Variants in CEP83 observed in about 807,000 individuals in gnomAD.
The protein encoded by CEP83 is centrosomal protein 83.
CEP83 carries 70 observed loss-of-function variants against 101.9 expected under a neutral mutation model. The ratio of observed to expected loss-of-function variants is 0.69; its 90% CI spans 0.57 to 0.84. CEP83 has a LOEUF of 0.84. Among genes scored for constraint, CEP83 ranks in the 40% least tolerant of loss-of-function variants. The pLI is 0.00. For synonymous variants in CEP83, 264 were observed against 267.9 expected (o/e 0.99, Z 0.14); for missense variants, 715 against 787.2 (o/e 0.91, Z 1.10).
intron 14 of CEP83, among the ~76,000 whole-genome samples, chr12:94,329,585 A>C (rs938065260): frequency 6.6e-6 from 1 of 152,188 alleles, no homozygotes; most frequent in Non-Finnish European, 1.5e-5. Flanking sequence ...AACTAACCTT[A>C]ATAATTAGAA....
At chr12:94,356,752 C>T (rs1450688546) in intron 11 of CEP83, among the ~76,000 whole-genome samples, 4 of 152,182 alleles carry the variant, frequency 2.6e-5, no homozygotes, top group Non-Finnish European at 4.4e-5. Flanking sequence ...CTGACTGGGA[C>T]GCTCTTACTC....
At chr12:94,413,934 C>CA (rs200574629) in intron 2 of CEP83, among the ~76,000 whole-genome samples, 16 of 149,112 alleles carry the variant, frequency 1.1e-4, no homozygotes, top group African/African-American at 3.5e-4. Context: ...CTTCTTATAA[C>CA]AAAAAAAAAT....
At chr12:94,336,784 A>G (rs1326573281) in intron 11 of CEP83, among the ~76,000 whole-genome samples, 12 of 151,224 alleles carry the variant, frequency 7.9e-5, no homozygotes, top group Non-Finnish European at 1.5e-5. Flanking sequence ...CTTTCTGTGC[A>G]CTTCCTCCAT....
At chr12:94,424,247 T>A (rs757015844) in intron 2 of CEP83, 494 of 1,613,912 alleles carry the variant, frequency 3.1e-4, no homozygotes, top group Non-Finnish European at 4.0e-4. Flanking sequence ...CATGTCTCCA[T>A]TCCTTGGCCA....
chr12:94,397,191 A>T (rs1180867657), intron 6 of CEP83, among the ~76,000 whole-genome samples: 1 of 152,172 alleles, frequency 6.6e-6, no homozygotes, highest in African/African-American at 2.4e-5. Flanking sequence ...ACTATCATAA[A>T]ACATCACATA....
intron 11 of CEP83, among the ~76,000 whole-genome samples, chr12:94,358,054 A>G (rs2060566315): frequency 6.6e-6 from 1 of 152,234 alleles, no homozygotes; most frequent in Non-Finnish European, 1.5e-5. Context: ...AGACATTTCA[A>G]TCATTTCTCT....
intron 1 of CEP83, among the ~76,000 whole-genome samples, chr12:94,441,195 C>T (rs367733614): frequency 1.1e-4 from 16 of 152,304 alleles, no homozygotes; most frequent in African/African-American, 3.8e-4. Context: ...AACTAAAAAG[C>T]TTCTGCACAG....
intron 1 of CEP83, among the ~76,000 whole-genome samples, chr12:94,450,597 T>C (rs765413874): frequency 6.6e-6 from 1 of 152,170 alleles, no homozygotes; most frequent in Non-Finnish European, 1.5e-5. Context: ...AATCAAATCA[T>C]GAAAACTCCA....
At chr12:94,299,530 C>T in the CEP83 span, among the ~76,000 whole-genome samples, 1 of 151,994 alleles carries the variant, frequency 6.6e-6, no homozygotes, top group Non-Finnish European at 1.5e-5. Flanking sequence ...CAATTCTCTA[C>T]GCTGGCTTGC....
chr12:94,380,458 T>G (rs1361175139), intron 6 of CEP83, among the ~76,000 whole-genome samples: 1 of 152,180 alleles, frequency 6.6e-6, no homozygotes, highest in Non-Finnish European at 1.5e-5. Flanking sequence ...AATTAGTATT[T>G]CTCTCCTATT....
Position 94,375,994 on chromosome 12 carries a change from T to C in CEP83, c.825A>G (p.Leu275=). 1 of 1,560,492 alleles carries C rather than the reference T, an allele frequency of 6.4e-7. No individual in the cohort carries two copies. Residue 275 remains leucine (L), a synonymous_variant, in exon 8 of 17, where the codon TTA becomes TTG. Transcript: ENST00000397809. ...SLEAEKQSAN[L]RAERLEKELQ... is the part of the protein sequence containing the mutation. ...GCTCTTTTTCCAAACGTTCTGCCCG[T>C]AAATTAGCTGATTGTTTTTCAGCCT...
intron 1 of CEP83, among the ~76,000 whole-genome samples, chr12:94,457,388 T>C (rs2067763027): frequency 6.6e-6 from 1 of 152,244 alleles, no homozygotes; most frequent in Admixed American, 6.5e-5. Context: ...TCATCTACTT[T>C]TAGGCAAAGA....
chr12:94,301,188 G>A, the CEP83 span: 2 of 586,634 alleles, frequency 3.4e-6, no homozygotes, highest in Non-Finnish European at 5.5e-6. Context: ...AAGGGCCACT[G>A]TCAATTTGCT....
rs532619754 is a variant in CEP83 at position 94,459,709 on chromosome 12, CT to C, written c.-308del. On this transcript the variant is annotated 5_prime_UTR_variant, in exon 1 of 17. Transcript: ENST00000397809. ...GGCATTGGGACTAAGGGTTACGGTC[CT>C]ACAGCGGGGTGTCGGCCCAGCGAGA... 479 of 152,660 alleles carry C rather than the reference CT, an allele frequency of 3.1e-3. 3 individuals are homozygous for C. Among genetic ancestry groups the C allele is most frequent in the Non-Finnish European group, 4.8e-3 (330 of 68,190 alleles). The allele number at this position is 152,660 out of a possible 1,614,324, so 9.5% of individuals were successfully genotyped here.
the CEP83 span, among the ~76,000 whole-genome samples, chr12:94,299,727 C>A: frequency 6.6e-6 from 1 of 152,108 alleles, no homozygotes; most frequent in Non-Finnish European, 1.5e-5. Flanking sequence ...ACTCAGCTAA[C>A]TTTTAAAACT....
intron 2 of CEP83, among the ~76,000 whole-genome samples, chr12:94,425,553 T>C (rs148364544): frequency 2.1e-4 from 32 of 152,344 alleles, no homozygotes; most frequent in African/African-American, 6.7e-4. Context: ...AGCACTGAGT[T>C]GATGATACCT....
rs760817296 is a variant in CEP83 at position 94,333,586 on chromosome 12, GTC to G, written c.1471_1472del (p.Asp491LeufsTer23). On this transcript the variant is annotated frameshift_variant, in exon 13 of 17. Transcript: ENST00000397809. LOFTEE classifies it high-confidence loss of function. The part of the protein sequence containing the change: ...QVTSLAQSEN[D>X]LLNSNQMLKE... Reference sequence around the variant, plus strand: ...TCAGCATTTGGTTTGAATTCAGCAAGTCATTCTCTGACTGTGCAAGTGAAGTC... The same window carrying G: ...TCAGCATTTGGTTTGAATTCAGCAAGATTCTCTGACTGTGCAAGTGAAGTC... 1.2e-6 allele frequency: 2 copies of G among 1,613,708 alleles called. No individual in the cohort carries two copies. Among genetic ancestry groups the G allele is most frequent in the Admixed American group, 3.3e-5 (2 of 59,986 alleles).
At chr12:94,347,655 C>A (rs944525106) in intron 11 of CEP83, among the ~76,000 whole-genome samples, 24 of 152,104 alleles carry the variant, frequency 1.6e-4, no homozygotes, top group Non-Finnish European at 4.4e-5. Context: ...CTAAAAACAA[C>A]CCAACATTTG....
the CEP83 span, among the ~76,000 whole-genome samples, chr12:94,298,384 G>C: frequency 6.6e-6 from 1 of 152,164 alleles, no homozygotes; most frequent in African/African-American, 2.4e-5. Context: ...TATCCTCCCA[G>C]TTGACTAAAC....
Sources: allele counts gnomAD v4.1 joint callset (sites outside exome capture counted in the v4.1 genomes callset), GRCh38; gene constraint gnomAD v4.1.1; transcripts MANE v1.5; gene names NCBI Gene and HGNC (gene_info 2026-07-23, HGNC 2026-07-21).